NEK11: variants seen among roughly 807,000 people sequenced by gnomAD.
The protein encoded by NEK11 is serine/threonine-protein kinase Nek11.
NEK11 carries 72 observed loss-of-function variants against 80.7 expected under a neutral mutation model. The ratio of observed to expected loss-of-function variants is 0.89; its 90% CI spans 0.74 to 1.08. The LOEUF (loss-of-function observed/expected upper bound fraction) is 1.08. Ranked by LOEUF, NEK11 falls within the 50% of genes least tolerant of loss-of-function variation. The pLI is 0.00. For synonymous variants in NEK11, 251 were observed against 260.7 expected (o/e 0.96, Z 0.36); for missense variants, 764 against 763.6 (o/e 1.00, Z -0.01).
intron 4 of NEK11, among the ~76,000 whole-genome samples, chr3:131,107,305 C>T (rs1441995745): frequency 1.3e-5 from 2 of 151,386 alleles, no homozygotes; most frequent in Non-Finnish European, 2.9e-5. Context: ...GTTTTTAAAG[C>T]GATACATTGG....
At chr3:131,234,732 C>T (rs1486676866) in intron 15 of NEK11, among the ~76,000 whole-genome samples, 1 of 151,968 alleles carries the variant, frequency 6.6e-6, no homozygotes, top group Non-Finnish European at 1.5e-5. Context: ...ATATTAGGAC[C>T]AGTCAAACCT....
At chr3:131,205,665 T>A (rs1449798311) in intron 14 of NEK11, among the ~76,000 whole-genome samples, 1 of 152,184 alleles carries the variant, frequency 6.6e-6, no homozygotes, top group Non-Finnish European at 1.5e-5. Flanking sequence ...GACTAATGTA[T>A]GGAAGAGCAT....
At chr3:131,228,345 T>C (rs1243857071) in intron 14 of NEK11, among the ~76,000 whole-genome samples, 183 bp from the exon 15 acceptor site, 1 of 152,230 alleles carries the variant, frequency 6.6e-6, no homozygotes, top group African/African-American at 2.4e-5. Context: ...TCTACTGGTT[T>C]TATTTTGCTG....
At chr3:131,029,948 A>C (rs1317142163) in intron 3 of NEK11, 70 bp downstream of exon 3, 1 of 1,459,154 alleles carries the variant, frequency 6.9e-7, no homozygotes, top group Non-Finnish European at 9.5e-7. Context: ...CTGATTAGGA[A>C]CATGGAGCAG....
At chr3:131,082,116 T>C (rs377425037) in intron 4 of NEK11, among the ~76,000 whole-genome samples, 17 of 152,324 alleles carry the variant, frequency 1.1e-4, no homozygotes, top group East Asian at 9.6e-4. Flanking sequence ...GTCATTTGGA[T>C]ATCTGGTTGT....
intron 7 of NEK11, among the ~76,000 whole-genome samples, chr3:131,144,318 A>G (rs2087660896): frequency 6.6e-6 from 1 of 152,126 alleles, no homozygotes; most frequent in South Asian, 2.1e-4. Flanking sequence ...TGTATTTTGG[A>G]AAAAGAAAGA....
chr3:131,273,189 T>C (rs1343447532), intron 16 of NEK11, among the ~76,000 whole-genome samples: 2 of 152,210 alleles, frequency 1.3e-5, no homozygotes, highest in Non-Finnish European at 2.9e-5. Flanking sequence ...CCCCCTGAGT[T>C]TTCTAGGATA....
chr3:131,251,729 C>T (rs2095707566), intron 16 of NEK11, among the ~76,000 whole-genome samples: 1 of 152,170 alleles, frequency 6.6e-6, no homozygotes, highest in East Asian at 1.9e-4. Flanking sequence ...ACACAGGAAG[C>T]CCCTTAACCC....
At chr3:131,307,006 T>G (rs2096730273) in intron 17 of NEK11, among the ~76,000 whole-genome samples, 1 of 152,156 alleles carries the variant, frequency 6.6e-6, no homozygotes, top group African/African-American at 2.4e-5. Context: ...GGGCAGAGGT[T>G]TGCCCTGTGT....
chr3:131,277,246 C>T (rs1157066454), intron 17 of NEK11, among the ~76,000 whole-genome samples: 3 of 152,166 alleles, frequency 2.0e-5, no homozygotes, highest in South Asian at 2.1e-4. Flanking sequence ...TCTATACTTC[C>T]ACCTGTTCTC....
intron 5 of NEK11, 45 bp from the exon 6 acceptor site, chr3:131,132,700 T>C: frequency 4.0e-6 from 4 of 1,004,878 alleles, no homozygotes; most frequent in Non-Finnish European, 6.0e-6. Context: ...GATTTAAAAA[T>C]GTTATATTCT....
intron 17 of NEK11, among the ~76,000 whole-genome samples, chr3:131,289,485 G>A (rs913470355): frequency 6.6e-6 from 1 of 152,320 alleles, no homozygotes; most frequent in Non-Finnish European, 1.5e-5. Flanking sequence ...GGTCATGAGG[G>A]ATAGGTATGA....
intron 16 of NEK11, among the ~76,000 whole-genome samples, chr3:131,243,706 A>G (rs1036523045): frequency 2.6e-5 from 4 of 152,146 alleles, no homozygotes; most frequent in African/African-American, 9.6e-5. Flanking sequence ...TTAGTCTCCA[A>G]GGATGAAATA....
chr3:131,059,039 A>T (rs553563957), intron 3 of NEK11, among the ~76,000 whole-genome samples: 2 of 152,282 alleles, frequency 1.3e-5, no homozygotes, highest in East Asian at 1.9e-4. Context: ...AAGAAAGATT[A>T]AAAAAATTGT....
At chr3:131,293,746 G>T (rs2109020619) in intron 17 of NEK11, among the ~76,000 whole-genome samples, 1 of 152,178 alleles carries the variant, frequency 6.6e-6, no homozygotes, top group East Asian at 1.9e-4. Context: ...GATGTGGAAG[G>T]TTATTAATTA....
intron 14 of NEK11, among the ~76,000 whole-genome samples, chr3:131,204,659 T>C (rs2094388258): frequency 6.6e-6 from 1 of 151,614 alleles, no homozygotes; most frequent in Non-Finnish European, 1.5e-5. Context: ...AGAGGAAAAA[T>C]GGTTTGAGGT....
rs867112152 is a variant in NEK11 at position 131,255,095 on chromosome 3, A to G, written c.1621+11599A>G. 2.1e-3 allele frequency among the ~76,000 whole-genome samples: 316 copies of G among 149,336 alleles called. 2 individuals are homozygous for G. Among genetic ancestry groups the G allele is most frequent in the East Asian group, 0.02 (94 of 4,676 alleles). On this transcript the variant is annotated intron_variant, in intron 16 of 17. Coordinates refer to ENST00000383366, the MANE Select transcript of NEK11 (RefSeq NM_024800.5). Reference sequence around the variant, plus strand: ...CAGAAAGAAGGAAAGAAAGAAAGAAAGAAAGAAAGAAAGAAAGAAAGAAAG... The same window carrying G: ...CAGAAAGAAGGAAAGAAAGAAAGAAGGAAAGAAAGAAAGAAAGAAAGAAAG...
chr3:131,315,175 A>AT (rs2109527238), intron 17 of NEK11, among the ~76,000 whole-genome samples: 1 of 152,258 alleles, frequency 6.6e-6, no homozygotes, highest in African/African-American at 2.4e-5. Flanking sequence ...CCAGTATACA[A>AT]TATTTCTGAC....
chr3:131,347,279 C>G (rs1415387465), intron 17 of NEK11, among the ~76,000 whole-genome samples: 1 of 152,156 alleles, frequency 6.6e-6, no homozygotes, highest in Non-Finnish European at 1.5e-5. Context: ...TTATTCTCAT[C>G]TGTAAAATGA....
Sources: gnomAD v4.1 joint callset for allele counts (sites outside exome capture counted in the v4.1 genomes callset) on GRCh38, gnomAD v4.1.1 for gene constraint, MANE v1.5 for transcripts, NCBI Gene and HGNC (gene_info 2026-07-23, HGNC 2026-07-21) for gene names.